CCDC88B: variants seen among roughly 807,000 people sequenced by gnomAD.
CCDC88B encodes coiled-coil domain-containing protein 88B.
A neutral mutation model predicts 183.7 loss-of-function variants in CCDC88B; 138 were observed. The ratio of observed to expected loss-of-function variants is 0.75; its 90% CI spans 0.65 to 0.87. CCDC88B has a LOEUF of 0.87. Among genes scored for constraint, CCDC88B ranks in the 40% least tolerant of loss-of-function variants. The pLI is 0.00. For missense variants in CCDC88B, 1,822 were observed against 1,965.6 expected, an observed-to-expected ratio of 0.93 and a Z score of 1.38; for synonymous variants, 835 against 867.5, an observed-to-expected ratio of 0.96 and a Z score of 0.66.
intron 14 of CCDC88B, among the ~76,000 whole-genome samples, 172 bp downstream of exon 14, chr11:64,345,329 G>A (rs1281013619): frequency 6.6e-6 from 1 of 152,176 alleles, no homozygotes; most frequent in African/African-American, 2.4e-5. Context: ...CTGGGGCACA[G>A]AGCCATGTCC....
In CCDC88B at chr11:64,352,795, C is replaced by T. The variant is rs759974956; in HGVS notation, c.3408C>T (p.Ala1136=). 7.4e-5 allele frequency: 120 copies of T among 1,613,342 alleles called. 1 individual carries two copies. In the Admixed American group the frequency reaches 2.0e-3, roughly 26 times the overall value. ...QRASVEAQEV[A]LLAERERLMQ... ...CCAGCGTGGAGGCACAGGAGGTGGCCCTGCTGGCAGAGCGTGAACGCCTGA... is the reference window on the plus strand; with the variant it reads ...CCAGCGTGGAGGCACAGGAGGTGGCTCTGCTGGCAGAGCGTGAACGCCTGA... The change falls in exon 20 of 27, where the codon GCC becomes GCT. Residue 1136 remains alanine, a synonymous_variant. Coordinates refer to ENST00000356786, the MANE Select transcript of CCDC88B (RefSeq NM_032251.6).
At chr11:64,341,067 C>T (rs66493355) in intron 3 of CCDC88B, 42 bp from the exon 4 acceptor site, 492,448 of 1,613,570 alleles carry the variant, frequency 0.31, 78,728 homozygotes, top group South Asian at 0.34. Context: ...AGAGGAGCCC[C>T]TTCGGGAAGG....
chr11:64,343,763 A>G lies in CCDC88B; in HGVS notation c.1319-15A>G, dbSNP rs927339552. The G allele has an allele frequency of 6.4e-7, 1 of 1,553,998 alleles. No homozygotes were observed. The highest frequency in any genetic ancestry group is 1.4e-5 in the African/African-American group (1 of 73,462). The stretch of plus-strand genomic sequence containing the variant: ...GCAGTAAAGGAGGGGTCCTGACCTC[A>G]TCTCTCATCCTCAGCACCCCTAGCA... On this transcript the variant is annotated splice_polypyrimidine_tract_variant and intron_variant, in intron 12 of 26. Transcript: ENST00000356786.
rs771774701 is a variant in CCDC88B, at chr11:64,355,384, C to T, written c.4290C>T (p.Pro1430=). 5.7e-6 allele frequency: 9 copies of T among 1,589,980 alleles called. No homozygotes were observed. Among genetic ancestry groups the T allele is most frequent in the East Asian group, 4.5e-5 (2 of 44,212 alleles). ...GCCATCCAGGCCCCCTGGGGGCGCC[C>T]GTCTCCCACAGCAAAGGTGAGGGAC... ...RQRHPGPLGA[P]VSHSKGPGVG... is the part of the protein sequence containing the mutation. Residue 1430 remains proline (P), a synonymous_variant, in exon 25 of 27, where the codon CCC becomes CCT. Transcript: ENST00000356786.
At chr11:64,356,738 A>G in intron 26 of CCDC88B, 1 of 452,994 alleles carries the variant, frequency 2.2e-6, no homozygotes, top group East Asian at 3.4e-5. Context: ...GGGAGGGGTC[A>G]GGAGCTCAGG....
At position 64,344,225 on chromosome 11, in the gene CCDC88B, C is replaced by A; in HGVS notation, c.1684C>A (p.Leu562Ile). 4.3e-6 allele frequency: 7 copies of A among 1,612,754 alleles called. No homozygotes were observed. The highest frequency in any genetic ancestry group is 5.9e-6 in the Non-Finnish European group (7 of 1,179,486). Residue 562 changes from leucine (L) to isoleucine (I), a missense_variant, in exon 14 of 27, where the codon CTT becomes ATT. Leu to Ile is a conservative substitution (Grantham distance 5, BLOSUM62 2). Coordinates refer to ENST00000356786, the MANE Select transcript of CCDC88B (RefSeq NM_032251.6). This position sits in a 1 kb window ranked among gnomAD's most constrained non-coding sequence, Gnocchi z 4.5. ...DSDPQEAESPLQAAAMDPQAS... is the reference protein window; with the variant it reads ...DSDPQEAESPIQAAAMDPQAS... ...AGACCCACAGGAGGCAGAGAGTCCC[C>A]TTCAGGCAGCTGCCATGGACCCCCA...
intron 7 of CCDC88B, 48 bp downstream of exon 7, chr11:64,341,790 C>A (rs747209129): frequency 6.5e-7 from 1 of 1,537,676 alleles, no homozygotes; most frequent in East Asian, 2.3e-5. Flanking sequence ...AACTGGAGGA[C>A]CATCAGGGAG....
Position 64,351,207 on chromosome 11 carries a change from T to A in CCDC88B, c.2910T>A (p.Pro970=). 6.6e-7 allele frequency: 1 copy of A among 1,525,192 alleles called. No individual in the cohort carries two copies. Among genetic ancestry groups the A allele is most frequent in the Non-Finnish European group, 8.8e-7 (1 of 1,137,408 alleles). 94.5% of individuals were successfully genotyped at this position (1,525,192 alleles called of 1,614,324 possible). A position where few individuals can be genotyped will look rare whatever the true frequency, so the allele number is the denominator to read the frequency against. Reference sequence around the variant, plus strand: ...TGGGGCCCAAAAAGCGTGCGGAGCCTCAGCTGGTGGAGACCCAGAATGTGC... The same window carrying A: ...TGGGGCCCAAAAAGCGTGCGGAGCCACAGCTGGTGGAGACCCAGAATGTGC... ...AGLGPKKRAE[P]QLVETQNVRL... The change falls in exon 17 of 27, where the codon CCT becomes CCA. Residue 970 remains proline, a synonymous_variant. Transcript: ENST00000356786.
rs376535433 is a variant in CCDC88B at position 64,344,074 on chromosome 11, C to T, written c.1533C>T (p.Phe511=). The part of the protein sequence containing the change: ...LEEAPQTPVA[F]DHSPQGLVQK... ...AGGCTCCCCAGACTCCTGTGGCCTT[C>T]GACCACAGCCCTCAGGGCTTGGTTC... Residue 511 remains phenylalanine (F), a synonymous_variant, in exon 14 of 27, where the codon TTC becomes TTT. Coordinates refer to ENST00000356786, the MANE Select transcript of CCDC88B (RefSeq NM_032251.6). This position sits in a 1 kb window ranked among gnomAD's most constrained non-coding sequence, Gnocchi z 4.5. The T allele has an allele frequency of 1.0e-5, 16 of 1,606,198 alleles. No individual in the cohort carries two copies. In the East Asian group the frequency reaches 1.6e-4, roughly 16 times the overall value.
intron 18 of CCDC88B, 104 bp downstream of exon 18, chr11:64,351,720 C>T (rs538011450): frequency 5.2e-5 from 70 of 1,333,720 alleles, no homozygotes; most frequent in Non-Finnish European, 6.4e-5. Flanking sequence ...AGCCAGCTGC[C>T]CCACCTCTTC....
rs759465135 is a variant in CCDC88B at position 64,352,212 on chromosome 11, G to A, written c.3182G>A (p.Arg1061Gln). Residue 1061 changes from arginine (R) to glutamine (Q), a missense_variant, in exon 19 of 27, where the codon CGG becomes CAG. Transcript: ENST00000356786. ...CTGGAGGAGGAGGTGCGGGCGGCAC[G>A]GCAGTCCCAGGAGGAGACCCGCGGG... ...EVLEEEVRAA[R>Q]QSQEETRGQQ... 1.8e-5 allele frequency: 29 copies of A among 1,606,298 alleles called. 1 individual carries two copies. The highest frequency in any genetic ancestry group is 1.8e-4 in the South Asian group (16 of 90,118).
At position 64,340,606 on chromosome 11, in the gene CCDC88B, G is replaced by A; in HGVS notation, c.61-1G>A. 6.2e-7 allele frequency: 1 copy of A among 1,607,998 alleles called. No individual in the cohort carries two copies. The highest frequency in any genetic ancestry group is 8.5e-7 in the Non-Finnish European group (1 of 1,178,946). On this transcript the variant is annotated splice_acceptor_variant, in intron 1 of 26. Transcript: ENST00000356786. LOFTEE classifies it high-confidence loss of function. The stretch of plus-strand genomic sequence containing the variant: ...GGCTGACCCCTCTGGGCTCCTCACA[G>A]GCGCTGGGACTGGCCGGGCTGGTCG...
chr11:64,349,180 T>G, intron 14 of CCDC88B, 151 bp from the exon 15 acceptor site: 11 of 919,372 alleles, frequency 1.2e-5, no homozygotes, highest in Non-Finnish European at 1.8e-5. Flanking sequence ...TTTGCTCCCA[T>G]TTTATAGATG....
chr11:64,351,813 C>T (rs552939308), intron 18 of CCDC88B, among the ~76,000 whole-genome samples, 197 bp downstream of exon 18: 25 of 152,268 alleles, frequency 1.6e-4, no homozygotes, highest in African/African-American at 5.3e-4. Context: ...CTACCTGCCG[C>T]CAGCCCCCAC....
At position 64,343,182 on chromosome 11, in the gene CCDC88B, G is replaced by A. The variant is rs765306023; in HGVS notation, c.1066G>A (p.Glu356Lys). ...GTTCTCCCTGCTCTCCCACCAGGAG[G>A]AGCGGGTGCTCTCGGGGGTGCTGGA... ...AEAYKSQLEE[E>K]RVLSGVLEAS... is the part of the protein sequence containing the mutation. Residue 356 changes from glutamate (E) to lysine (K), a missense_variant, in exon 11 of 27, where the codon GAG (glutamate) becomes AAG (lysine). By Grantham distance (56) the Glu-to-Lys change is moderately conservative. Coordinates refer to ENST00000356786, the MANE Select transcript of CCDC88B (RefSeq NM_032251.6). The A allele has an allele frequency of 6.5e-7, 1 of 1,531,550 alleles. No individual in the cohort carries two copies. Among genetic ancestry groups the A allele is most frequent in the Non-Finnish European group, 8.8e-7 (1 of 1,137,540 alleles). The allele number at this position is 1,531,550 out of a possible 1,614,324, so 94.9% of individuals were successfully genotyped here. A position where few individuals can be genotyped will look rare whatever the true frequency, so the allele number is the denominator to read the frequency against.
In CCDC88B at chr11:64,355,614, A is replaced by G; in HGVS notation, c.4361A>G (p.Asp1454Gly). 1 of 1,611,530 alleles carries G rather than the reference A, an allele frequency of 6.2e-7. No individual in the cohort carries two copies. Among genetic ancestry groups the G allele is most frequent in the Non-Finnish European group, 8.5e-7 (1 of 1,179,046 alleles). Reference sequence around the variant, plus strand: ...GAGACCCTGCAGGAACACGAAACAGATGCCAACCGAGAGGGTGAGTGGGGG... The same window carrying G: ...GAGACCCTGCAGGAACACGAAACAGGTGCCAACCGAGAGGGTGAGTGGGGG... ...SAETLQEHET[D>G]ANREGPEVQE... Residue 1454 changes from aspartate (D) to glycine (G), a missense_variant, in exon 26 of 27, where the codon GAT (aspartate) becomes GGT (glycine). Transcript: ENST00000356786.
chr11:64,355,291 G>T lies in CCDC88B; in HGVS notation c.4197G>T (p.Arg1399Ser), dbSNP rs779554640. ...GGCAGCGGCGGAAACTCAGCTCAAG[G>T]TTCCCGGTGGGGCGAAGCTCTGAGT... ...AGGQRRKLSS[R>S]FPVGRSSESF... The change falls in exon 25 of 27, where the codon AGG becomes AGT. Residue 1399 changes from arginine (R) to serine (S), a missense_variant. By Grantham distance (110) the Arg-to-Ser change is moderately radical. Transcript: ENST00000356786. 2 of 1,591,726 alleles carry T rather than the reference G, an allele frequency of 1.3e-6. No individual in the cohort carries two copies. The highest frequency in any genetic ancestry group is 1.7e-6 in the Non-Finnish European group (2 of 1,169,834).
chr11:64,346,443 AT>A lies in CCDC88B; in HGVS notation c.2616+1301del, dbSNP rs561099739. Reference sequence around the variant, plus strand: ...ACCACCACGCCTGGCTACTTTTTGTATTTTTTTTTTTTTTTGAGACGGAGTC... The same window carrying A: ...ACCACCACGCCTGGCTACTTTTTGTATTTTTTTTTTTTTTGAGACGGAGTC... On this transcript the variant is annotated intron_variant, in intron 14 of 26. Coordinates refer to ENST00000356786, the MANE Select transcript of CCDC88B (RefSeq NM_032251.6). 2.1e-3 allele frequency among the ~76,000 whole-genome samples: 288 copies of A among 140,060 alleles called. 1 individual carries two copies. Among genetic ancestry groups the A allele is most frequent in the East Asian group, 7.1e-3 (34 of 4,772 alleles). 91.9% of individuals were successfully genotyped at this position (140,060 alleles called of 152,430 possible).
Position 64,352,386 on chromosome 11 carries a change from G to A in CCDC88B, c.3356G>A (p.Arg1119Gln), listed in dbSNP as rs1438504479. The change falls in exon 19 of 27, where the codon CGG becomes CAG. Residue 1119 changes from arginine (R) to glutamine (Q), a missense_variant and splice_region_variant. Physicochemically the swap from Arg to Gln is conservative, Grantham distance 43. Coordinates refer to ENST00000356786, the MANE Select transcript of CCDC88B (RefSeq NM_032251.6). ...LELAHRELQG[R>Q]HEQLQAQRAS... ...CTGGCCCACCGGGAGCTGCAGGGCCGGTGAGCATCACCAAATGCCCAGCTC... is the reference window on the plus strand; with the variant it reads ...CTGGCCCACCGGGAGCTGCAGGGCCAGTGAGCATCACCAAATGCCCAGCTC... 6 of 1,528,292 alleles carry A rather than the reference G, an allele frequency of 3.9e-6. No individual in the cohort carries two copies. The highest frequency in any genetic ancestry group is 5.3e-6 in the Non-Finnish European group (6 of 1,137,586). 94.7% of individuals were successfully genotyped at this position (1,528,292 alleles called of 1,614,324 possible). A position where few individuals can be genotyped will look rare whatever the true frequency, so the allele number is the denominator to read the frequency against.
Sources: gnomAD v4.1 joint callset for allele counts (sites outside exome capture counted in the v4.1 genomes callset) on GRCh38, gnomAD v4.1.1 for gene constraint, Gnocchi (gnomAD v3.1) non-coding constraint, MANE v1.5 for transcripts, NCBI Gene and HGNC (gene_info 2026-07-23, HGNC 2026-07-21) for gene names.